The following OR51B5 variants were observed in gnomAD, a reference collection of about 807,000 sequenced individuals.
OR51B5 encodes the protein olfactory receptor family 51 subfamily B member 5, also known as olfactory receptor 51B5.
For synonymous variants in OR51B5, 186 were observed against 144.8 expected (o/e 1.28, Z -2.04); for missense variants, 456 against 374.6 (o/e 1.22, Z -1.79).
In OR51B5 at chr11:5,455,611, G is replaced by GAA. The variant is rs1249012680; in HGVS notation, n.84+49956_84+49957dup. The GAA allele has an allele frequency of 3.8e-3, 575 of 150,052 alleles. 5 individuals are homozygous for GAA. Among genetic ancestry groups the GAA allele is most frequent in the African/African-American group, 0.013 (542 of 40,554 alleles). 9.3% of individuals were successfully genotyped at this position (150,052 alleles called of 1,614,324 possible). On this transcript the variant is annotated intron_variant and non_coding_transcript_variant, in intron 1 of 4. Transcript: ENST00000415970. Reference sequence around the variant, plus strand: ...AGAGAGAAAGAGAAAAAGAGAAAGAGAAAGAGAGAAAGAGAGAGAGAGAGA... The same window carrying GAA: ...AGAGAGAAAGAGAAAAAGAGAAAGAGAAAAAGAGAGAAAGAGAGAGAGAGAGA...
At chr11:5,406,346 C>T (rs891925442) in intron 1 of OR51B5, among the ~76,000 whole-genome samples, 1 of 151,958 alleles carries the variant, frequency 6.6e-6, no homozygotes, top group African/African-American at 2.4e-5. Flanking sequence ...CTATTTTTTC[C>T]AATCTTTATC....
rs202021286 is a variant in OR51B5, at chr11:5,342,977, A to G, written c.548T>C (p.Ile183Thr). ...GGTGGTATCAGCACAGGCGAGTTTA[A>G]TGACATCCTGGTGAAGGCAGAATGC... Residue 183 changes from isoleucine (I) to threonine (T), a missense_variant, in exon 1 of 1, where the codon ATT becomes ACT. Ile to Thr is a moderately conservative substitution (Grantham distance 89). Transcript: ENST00000300773. 310 of 1,613,708 alleles carry G rather than the reference A, an allele frequency of 1.9e-4. 1 individual carries two copies. The Middle Eastern group carries it at 3.9e-3, about 21-fold the overall frequency.
intron 1 of OR51B5, chr11:5,422,842 G>C (rs757253289): frequency 1.2e-6 from 2 of 1,614,120 alleles, no homozygotes; most frequent in Non-Finnish European, 1.7e-6. Flanking sequence ...TGGATCCTCT[G>C]CTCATTGTGA....
At chr11:5,493,257 T>A (rs1341797637) in intron 1 of OR51B5, among the ~76,000 whole-genome samples, 1 of 152,074 alleles carries the variant, frequency 6.6e-6, no homozygotes, top group Non-Finnish European at 1.5e-5. Context: ...AGCTTGCACT[T>A]CTGAGACCTC....
In OR51B5 at chr11:5,476,408, A is replaced by T. The variant is rs543263368; in HGVS notation, n.84+29161T>A. Among the ~76,000 whole-genome samples the T allele has an allele frequency of 1.3e-3, 200 of 152,326 alleles. 7 individuals carry two copies. In the South Asian group the frequency reaches 0.04, roughly 31 times the overall value. Reference sequence around the variant, plus strand: ...CTTAGCTGTTATGCTGTATGGCCACAAGGGGGCACTCAGAGGGTAAATGCC... The same window carrying T: ...CTTAGCTGTTATGCTGTATGGCCACTAGGGGGCACTCAGAGGGTAAATGCC... On this transcript the variant is annotated intron_variant and non_coding_transcript_variant, in intron 1 of 4. Transcript: ENST00000415970.
chr11:5,401,216 T>C (rs1440356824), intron 1 of OR51B5, among the ~76,000 whole-genome samples: 1 of 152,210 alleles, frequency 6.6e-6, no homozygotes, highest in Non-Finnish European at 1.5e-5. Context: ...GTTGTTGCCG[T>C]AGTGTATTCA....
chr11:5,486,638 CATT>C (rs2133811900), intron 1 of OR51B5, among the ~76,000 whole-genome samples: 1 of 152,330 alleles, frequency 6.6e-6, no homozygotes, highest in East Asian at 1.9e-4. Context: ...CTGCATTCAT[CATT>C]GTTTCCAGTC....
intron 1 of OR51B5, among the ~76,000 whole-genome samples, chr11:5,467,482 C>G (rs561122234): frequency 1.3e-5 from 2 of 152,330 alleles, no homozygotes; most frequent in South Asian, 2.1e-4. Context: ...TCTTCATTCC[C>G]TAATCATCCA....
chr11:5,449,261 T>C (rs1850810616), intron 1 of OR51B5: 1 of 152,260 alleles, frequency 6.6e-6, no homozygotes, highest in Admixed American at 6.5e-5. Context: ...CACTGCCCTC[T>C]ACCGCAGGGC....
At chr11:5,348,387 T>G (rs1213901709), upstream of OR51B5, among the ~76,000 whole-genome samples, 2 of 152,024 alleles carry the variant, frequency 1.3e-5, no homozygotes, top group African/African-American at 4.8e-5. Context: ...CCCCATGTCT[T>G]TTACCTTAGA....
chr11:5,369,152 C>A (rs879540152), intron 1 of OR51B5, among the ~76,000 whole-genome samples: 1 of 152,144 alleles, frequency 6.6e-6, no homozygotes, highest in African/African-American at 2.4e-5. Flanking sequence ...AGGATGAAGT[C>A]TTTAAAAATA....
intron 1 of OR51B5, among the ~76,000 whole-genome samples, chr11:5,354,459 G>T (rs1849155265): frequency 6.7e-6 from 1 of 149,966 alleles, no homozygotes; most frequent in Admixed American, 6.7e-5. Flanking sequence ...GAGATGTGAT[G>T]AAGAGACAAG....
chr11:5,473,973 C>T (rs1851267887), intron 1 of OR51B5, among the ~76,000 whole-genome samples: 1 of 151,806 alleles, frequency 6.6e-6, no homozygotes, highest in Non-Finnish European at 1.5e-5. Flanking sequence ...TCTTAGAATT[C>T]ATCAGTAATT....
chr11:5,454,252 T>C (rs920314280), intron 1 of OR51B5: 8 of 1,614,110 alleles, frequency 5.0e-6, no homozygotes, highest in Non-Finnish European at 5.1e-6. Flanking sequence ...TATGTGCCAA[T>C]GATTGGGGTC....
chr11:5,464,655 A>G (rs1851110458), intron 1 of OR51B5, among the ~76,000 whole-genome samples: 1 of 152,030 alleles, frequency 6.6e-6, no homozygotes, highest in Admixed American at 6.5e-5. Flanking sequence ...CATGGTGTAT[A>G]TGTGCCACAT....
At chr11:5,400,203 C>G (rs116820324) in intron 1 of OR51B5, among the ~76,000 whole-genome samples, 2,141 of 152,260 alleles carry the variant, frequency 0.014, 45 homozygotes, top group African/African-American at 0.046. Flanking sequence ...AGAGCTTTTC[C>G]TAAGCTGATA....
chr11:5,460,152 A>T (rs967704427), intron 1 of OR51B5, among the ~76,000 whole-genome samples: 3 of 152,208 alleles, frequency 2.0e-5, no homozygotes, highest in African/African-American at 7.2e-5. Context: ...AGAAACAGAA[A>T]ACCACATGTT....
intron 1 of OR51B5, among the ~76,000 whole-genome samples, chr11:5,497,965 T>C (rs414229): frequency 0.96 from 146,949 of 152,296 alleles, 71,105 homozygotes; most frequent in East Asian, 1. Context: ...TAATGACTGG[T>C]TACCTACTGG....
intron 1 of OR51B5, among the ~76,000 whole-genome samples, chr11:5,481,197 G>A (rs1166654573): frequency 2.5e-5 from 1 of 40,742 alleles, no homozygotes. Flanking sequence ...TGCAAGGCTG[G>A]TTCAATATAC....
Sources: allele counts gnomAD v4.1 joint callset (sites outside exome capture counted in the v4.1 genomes callset), GRCh38; gene constraint gnomAD v4.1.1; transcripts MANE v1.5; gene names NCBI Gene and HGNC (gene_info 2026-07-23, HGNC 2026-07-21).